The following ZNF106 variants were observed in gnomAD, a reference collection of about 807,000 sequenced individuals.
ZNF106 encodes the protein SH3-domain binding protein 3.
ZNF106 carries 67 observed loss-of-function variants against 195.1 expected under a neutral mutation model. The ratio of observed to expected loss-of-function variants is 0.34; its 90% CI spans 0.28 to 0.42. ZNF106 has a LOEUF of 0.42. ZNF106 is among the 10% of genes least tolerant of loss of function. The probability of loss-of-function intolerance (pLI) is 1.00; values close to 1 mark genes in which losing one functional copy is unlikely to be tolerated. For missense variants in ZNF106, 2,118 were observed against 2,304.5 expected, an observed-to-expected ratio of 0.92 and a Z score of 1.66; for synonymous variants, 784 against 818.6, an observed-to-expected ratio of 0.96 and a Z score of 0.72.
chr15:42,454,732 A>AT (rs923196308), intron 4 of ZNF106, among the ~76,000 whole-genome samples: 2 of 151,214 alleles, frequency 1.3e-5, no homozygotes, highest in African/African-American at 4.9e-5. Flanking sequence ...AAAAATAAAA[A>AT]TAAAAAAAAA....
intron 10 of ZNF106, among the ~76,000 whole-genome samples, chr15:42,440,668 A>G (rs1247901564): frequency 1.3e-5 from 2 of 152,032 alleles, no homozygotes; most frequent in East Asian, 3.9e-4. Flanking sequence ...TGTACCCACA[A>G]AAATTTAAAA....
In ZNF106 at chr15:42,428,047, T is replaced by C. The variant is rs770250998; in HGVS notation, c.4969A>G (p.Asn1657Asp). The C allele has an allele frequency of 1.9e-5, 31 of 1,613,992 alleles. No homozygotes were observed. The Admixed American group carries it at 4.0e-4, about 21-fold the overall frequency. Residue 1657 changes from asparagine to aspartate, a missense_variant, in exon 15 of 22, where the codon AAT (asparagine) becomes GAT (aspartate). Asn to Asp is a conservative substitution (Grantham distance 23). Transcript: ENST00000564754. ...RWRILYAGLA[N>D]GTVVTFNIKN... ...ATGTTGAAGGTGACCACAGTGCCAT[T>C]TGCCAGTCCCGCATAGAGGATTCGC...
Position 42,424,022 on chromosome 15 carries a change from C to G in ZNF106, c.5229G>C (p.Gln1743His). Residue 1743 changes from glutamine (Q) to histidine (H), a missense_variant, in exon 17 of 22, where the codon CAG becomes CAC. Physicochemically the swap from Gln to His is conservative, Grantham distance 24 (BLOSUM62 0). Transcript: ENST00000564754. Reference protein sequence around the residue: ...NDLVFSGSSDQSVHAHNIHTG... With the variant: ...NDLVFSGSSDHSVHAHNIHTG... ...CGTGAATGTTGTGAGCATGGACTGA[C>G]TGATCACTGGAGCCACTGAACACGA... 6.2e-7 allele frequency: 1 copy of G among 1,613,072 alleles called. No individual in the cohort carries two copies. The highest frequency in any genetic ancestry group is 8.5e-7 in the Non-Finnish European group (1 of 1,179,780).
intron 15 of ZNF106, among the ~76,000 whole-genome samples, chr15:42,426,339 G>A (rs2054855256): frequency 6.6e-6 from 1 of 151,094 alleles, no homozygotes; most frequent in East Asian, 1.9e-4. Context: ...TGAATTTCTT[G>A]TCATCATCTC....
Position 42,417,731 on chromosome 15 carries a change from T to A in ZNF106, c.5664+74A>T, listed in dbSNP as rs540899395. 3.4e-6 allele frequency: 5 copies of A among 1,470,856 alleles called. No individual in the cohort carries two copies. The East Asian group carries it at 9.6e-5, about 28-fold the overall frequency. 91.1% of individuals were successfully genotyped at this position (1,470,856 alleles called of 1,614,324 possible). A position where few individuals can be genotyped will look rare whatever the true frequency, so the allele number is the denominator to read the frequency against. ...CCCTATATATGGCAATTCTCAATAA[T>A]AAAAAAGGTTTGCTAGCCCCTGCTC... On this transcript the variant is annotated intron_variant, in intron 21 of 21. Transcript: ENST00000564754.
chr15:42,437,113 A>G (rs2055307121), intron 13 of ZNF106, 119 bp downstream of exon 13: 6 of 1,089,686 alleles, frequency 5.5e-6, no homozygotes, highest in Middle Eastern at 3.0e-4. Flanking sequence ...TCTAAAGTCA[A>G]TCTCAGGCCC....
rs778275780 is a variant in ZNF106 at position 42,424,046 on chromosome 15, G to A, written c.5205C>T (p.Leu1735=). 1.4e-5 allele frequency: 23 copies of A among 1,612,946 alleles called. No homozygotes were observed. The highest frequency in any genetic ancestry group is 2.2e-5 in the South Asian group (2 of 90,824). The change falls in exon 17 of 22, where the codon CTC becomes CTT. Residue 1735 remains leucine, a synonymous_variant. Transcript: ENST00000564754. ...ACTGATCACTGGAGCCACTGAACAC[G>A]AGATCATTCACCACCTTAAAGAAAA... The part of the protein sequence containing the change: ...TILCMKVVND[L]VFSGSSDQSV...
Position 42,450,463 on chromosome 15 carries a change from C to T in ZNF106, c.1809G>A (p.Glu603=). 1.2e-6 allele frequency: 2 copies of T among 1,614,144 alleles called. No homozygotes were observed. The highest frequency in any genetic ancestry group is 1.7e-6 in the Non-Finnish European group (2 of 1,180,024). Residue 603 remains glutamate (E), a synonymous_variant, in exon 5 of 22, where the codon GAG becomes GAA. Transcript: ENST00000564754. ...CATCTTCTAGTGCGTGCACTTGAAA[C>T]TCAATTTTCAAAGACCCTTTTTCAG... The part of the protein sequence containing the change: ...EESEKGSLKI[E]FQVHALEDES...
chr15:42,454,700 A>G (rs2056165957), intron 4 of ZNF106, among the ~76,000 whole-genome samples: 1 of 152,014 alleles, frequency 6.6e-6, no homozygotes, highest in Non-Finnish European at 1.5e-5. Flanking sequence ...CCTGGGTGAC[A>G]TGGCTAAACC....
At chr15:42,424,773 C>T in intron 16 of ZNF106, 61 bp downstream of exon 16, 2 of 1,535,958 alleles carry the variant, frequency 1.3e-6, no homozygotes, top group Non-Finnish European at 8.8e-7. Context: ...AGCCACCTCG[C>T]CTGGCCTCAA....
Position 42,439,423 on chromosome 15 carries a change from C to T in ZNF106, c.4154G>A (p.Arg1385Gln), listed in dbSNP as rs377744087. The change falls in exon 11 of 22, where the codon CGG becomes CAG. Residue 1385 changes from arginine (R) to glutamine (Q), a missense_variant. Transcript: ENST00000564754. ...ACTATTCTCAGGAACATGGGCAGCC[C>T]GTAGACTTTTCTTCTTCCGGAGTTT... Reference protein sequence around the residue: ...KKKLRKKKSLRAAHVPENSDT... With the variant: ...KKKLRKKKSLQAAHVPENSDT... The T allele has an allele frequency of 6.8e-6, 11 of 1,614,036 alleles. No homozygotes were observed. Among genetic ancestry groups the T allele is most frequent in the Non-Finnish European group, 8.5e-6 (10 of 1,180,036 alleles).
chr15:42,450,496 T>C lies in ZNF106; in HGVS notation c.1776A>G (p.Val592=), dbSNP rs1196518372. 1.2e-6 allele frequency: 2 copies of C among 1,614,072 alleles called. No individual in the cohort carries two copies. Among genetic ancestry groups the C allele is most frequent in the South Asian group, 1.1e-5 (1 of 91,056 alleles). ...TCAAAGACCCTTTTTCAGATTCTTCTACATTTCTACTTGCTTTTGCATAGT... is the reference window on the plus strand; with the variant it reads ...TCAAAGACCCTTTTTCAGATTCTTCCACATTTCTACTTGCTTTTGCATAGT... ...TRNYAKASRN[V]EESEKGSLKI... Residue 592 remains valine, a synonymous_variant, in exon 5 of 22, where the codon GTA becomes GTG. Coordinates refer to ENST00000564754, the MANE Select transcript of ZNF106 (RefSeq NM_001366845.3).
Position 42,437,311 on chromosome 15 carries a change from G to A in ZNF106, c.4667C>T (p.Ala1556Val). 1 of 1,614,128 alleles carries A rather than the reference G, an allele frequency of 6.2e-7. No homozygotes were observed. Among genetic ancestry groups the A allele is most frequent in the Non-Finnish European group, 8.5e-7 (1 of 1,180,006 alleles). ...TEGSFEGHQA[A>V]VNAIQIFGNL... ...CCCAAATATCTGAATTGCATTTACGGCAGCTTGGTGTCCCTCAAAGCTTCC... is the reference window on the plus strand; with the variant it reads ...CCCAAATATCTGAATTGCATTTACGACAGCTTGGTGTCCCTCAAAGCTTCC... Residue 1556 changes from alanine (A) to valine (V), a missense_variant, in exon 13 of 22, where the codon GCC becomes GTC. Coordinates refer to ENST00000564754, the MANE Select transcript of ZNF106 (RefSeq NM_001366845.3).
Position 42,439,820 on chromosome 15 carries a change from T to G in ZNF106, c.3764-7A>C. On this transcript the variant is annotated splice_region_variant and splice_polypyrimidine_tract_variant and intron_variant, in intron 10 of 21. Transcript: ENST00000564754. ...CAACTGTCACTGATCTCTCCTGAAT[T>G]GAGAGGAAAAAAATTATTGCATCCT... is the stretch of plus-strand genomic sequence containing the variant. 3 of 1,496,748 alleles carry G rather than the reference T, an allele frequency of 2.0e-6. No homozygotes were observed. Among genetic ancestry groups the G allele is most frequent in the Non-Finnish European group, 2.7e-6 (3 of 1,126,846 alleles). The allele number at this position is 1,496,748 out of a possible 1,614,324, so 92.7% of individuals were successfully genotyped here.
chr15:42,439,198 G>A lies in ZNF106; in HGVS notation c.4379C>T (p.Ala1460Val), dbSNP rs770807044. 1.2e-6 allele frequency: 2 copies of A among 1,614,118 alleles called. No homozygotes were observed. The highest frequency in any genetic ancestry group is 2.2e-5 in the South Asian group (2 of 91,082). ...TTCTCCTGATTCTGAAGAATCAATG[G>A]CTACTACTTCTAACTGAGGATTAGG... ...EIPNPQLEVV[A>V]IDSSESGEEK... The change falls in exon 11 of 22, where the codon GCC becomes GTC. Residue 1460 changes from alanine (A) to valine (V), a missense_variant. By Grantham distance (64) the Ala-to-Val change is moderately conservative (BLOSUM62 0). Coordinates refer to ENST00000564754, the MANE Select transcript of ZNF106 (RefSeq NM_001366845.3).
intron 12 of ZNF106, among the ~76,000 whole-genome samples, chr15:42,437,687 A>C (rs1441306007): frequency 6.6e-6 from 1 of 152,024 alleles, no homozygotes; most frequent in African/African-American, 2.4e-5. Flanking sequence ...TGGACGGATC[A>C]CCTGAGGTCA....
chr15:42,439,120 T>C lies in ZNF106; in HGVS notation c.4457A>G (p.Asn1486Ser). Reference protein sequence around the residue: ...KKDIWNSTEQNPLETSRSGCD... With the variant: ...KKDIWNSTEQSPLETSRSGCD... ...CCCAGAACGAGACGTTTCTAGTGGG[T>C]TTTGCTCTGTAGAGTTCCAAATATC... Residue 1486 changes from asparagine (N) to serine (S), a missense_variant, in exon 11 of 22, where the codon AAC becomes AGC. Coordinates refer to ENST00000564754, the MANE Select transcript of ZNF106 (RefSeq NM_001366845.3). The C allele has an allele frequency of 6.2e-7, 1 of 1,614,118 alleles. No homozygotes were observed.
Position 42,421,050 on chromosome 15 carries a change from T to C in ZNF106, c.5517+11A>G. ...TAGAAGTCCAGTGACAGGAAGAGTT[T>C]CACTCCTTACCCAACAGCGGTAATT... On this transcript the variant is annotated intron_variant, in intron 20 of 21. Coordinates refer to ENST00000564754, the MANE Select transcript of ZNF106 (RefSeq NM_001366845.3). 6.2e-7 allele frequency: 1 copy of C among 1,613,952 alleles called. No homozygotes were observed. The highest frequency in any genetic ancestry group is 8.5e-7 in the Non-Finnish European group (1 of 1,179,824).
intron 9 of ZNF106, 87 bp downstream of exon 9, chr15:42,444,115 A>G: frequency 5.0e-6 from 1 of 201,024 alleles, no homozygotes; most frequent in South Asian, 1.4e-4. Context: ...CTGTCTCCAA[A>G]AAAAAAAAAA....
Sources: gnomAD v4.1 joint callset for allele counts (sites outside exome capture counted in the v4.1 genomes callset) on GRCh38, gnomAD v4.1.1 for gene constraint, MANE v1.5 for transcripts, NCBI Gene and HGNC (gene_info 2026-07-23, HGNC 2026-07-21) for gene names.